Variants in STK32C observed in about 807,000 individuals in gnomAD.
STK32C encodes serine/threonine-protein kinase 32C.
A neutral mutation model predicts 56.5 loss-of-function variants in STK32C; 31 were observed. The observed-to-expected ratio is 0.55, with a 90% CI of 0.41 to 0.74. The LOEUF (loss-of-function observed/expected upper bound fraction) is 0.74, where lower values mean the gene tolerates loss of function less well. STK32C is among the 30% of genes least tolerant of loss of function. The pLI is 0.00. For synonymous variants in STK32C, 309 were observed against 289.4 expected, an observed-to-expected ratio of 1.07 and a Z score of -0.69; for missense variants, 544 against 676.9, an observed-to-expected ratio of 0.80 and a Z score of 2.18.
intron 1 of STK32C, among the ~76,000 whole-genome samples, chr10:132,260,490 G>A (rs750005687): frequency 8.5e-5 from 13 of 152,212 alleles, no homozygotes; most frequent in South Asian, 2.1e-4. Flanking sequence ...CCCTCCCACC[G>A]GACACACAGG....
rs149875821 is a variant in STK32C, at chr10:132,239,201, G to A, written c.318+6699C>T. Among the ~76,000 whole-genome samples, 944 of 152,308 alleles carry A rather than the reference G, an allele frequency of 6.2e-3. 13 individuals are homozygous for A. Among genetic ancestry groups the A allele is most frequent in the Non-Finnish European group, 6.2e-3 (422 of 68,020 alleles). On this transcript the variant is annotated intron_variant, in intron 2 of 11. Coordinates refer to ENST00000298630, the MANE Select transcript of STK32C (RefSeq NM_173575.4). ...TAGATGGTGTGAGGGCTCAGGACAA[G>A]AGCACTGTGTGCACTGAGCCTCCCC...
At chr10:132,330,860 C>T (rs1387809011) in intron 1 of STK32C, among the ~76,000 whole-genome samples, 2 of 151,560 alleles carry the variant, frequency 1.3e-5, no homozygotes, top group African/African-American at 2.4e-5. Flanking sequence ...ACGTAAATCC[C>T]CTCAAAGTGG....
At chr10:132,276,450 C>G (rs1400297865) in intron 1 of STK32C, among the ~76,000 whole-genome samples, 1 of 152,162 alleles carries the variant, frequency 6.6e-6, no homozygotes, top group African/African-American at 2.4e-5. Context: ...GACATCACCA[C>G]AGGCACTCAG....
rs186030718 is a variant in STK32C at position 132,256,765 on chromosome 10, G to C, written c.263-10810C>G. Among the ~76,000 whole-genome samples the C allele has an allele frequency of 7.6e-4, 116 of 152,296 alleles. 1 individual carries two copies. The highest frequency in any genetic ancestry group is 1.3e-3 in the Non-Finnish European group (86 of 68,016). On this transcript the variant is annotated intron_variant, in intron 1 of 11. Transcript: ENST00000298630. ...CAGGGGCAGACCTGGAGGACTCCAA[G>C]GCCGCCTGGCCCTGCAGCAGCTGAG...
chr10:132,331,626 G>A (rs1442010887), exon 1 of STK32C: 36 of 1,612,750 alleles, frequency 2.2e-5, no homozygotes, highest in Non-Finnish European at 2.8e-5. Context: ...AGGACAGGCA[G>A]CGAGGACCGC....
intron 10 of STK32C, among the ~76,000 whole-genome samples, chr10:132,221,341 T>C (rs1362422212): frequency 3.1e-4 from 23 of 74,362 alleles, no homozygotes; most frequent in Middle Eastern, 0.013. Context: ...CAACTGATGC[T>C]GACGCACCTG....
At chr10:132,331,713 G>T (rs747049104) in exon 1 of STK32C, 1 of 1,612,622 alleles carries the variant, frequency 6.2e-7, no homozygotes, top group African/African-American at 1.3e-5. Flanking sequence ...CGGGCCCTCC[G>T]GCTCCCCAGA....
chr10:132,258,068 CAT>C (rs1263894963), intron 1 of STK32C, among the ~76,000 whole-genome samples: 7 of 152,246 alleles, frequency 4.6e-5, no homozygotes, highest in African/African-American at 1.7e-4. Context: ...CCATCACACA[CAT>C]GTGCTGATGA....
chr10:132,244,945 G>C (rs561235075), intron 2 of STK32C, among the ~76,000 whole-genome samples: 41 of 152,280 alleles, frequency 2.7e-4, no homozygotes, highest in Non-Finnish European at 2.2e-4. Flanking sequence ...CCAACATGCA[G>C]GGACTCAAAA....
At chr10:132,320,781 G>A (rs973543623), downstream of STK32C, among the ~76,000 whole-genome samples, 7 of 152,126 alleles carry the variant, frequency 4.6e-5, no homozygotes, top group Non-Finnish European at 7.4e-5. Flanking sequence ...TATAACCCCC[G>A]GCTCCTCAGA....
At chr10:132,299,560 C>T (rs1406402179) in intron 1 of STK32C, among the ~76,000 whole-genome samples, 1 of 152,274 alleles carries the variant, frequency 6.6e-6, no homozygotes, top group South Asian at 2.1e-4. Context: ...GCCCGCAGCT[C>T]TCTGAGCCGC....
intron 10 of STK32C, among the ~76,000 whole-genome samples, chr10:132,219,304 A>G (rs1196000828): frequency 6.6e-6 from 1 of 151,970 alleles, no homozygotes; most frequent in African/African-American, 2.4e-5. Flanking sequence ...TTCCTTTCAG[A>G]ACACCTCCTA....
At chr10:132,326,822 G>T (rs1302311503) in intron 1 of STK32C, among the ~76,000 whole-genome samples, 2 of 152,302 alleles carry the variant, frequency 1.3e-5, no homozygotes, top group East Asian at 3.9e-4. Context: ...CTAGTTTCAG[G>T]TTTCTTTGGA....
chr10:132,315,544 A>T (rs1218261368), intron 1 of STK32C, among the ~76,000 whole-genome samples: 2 of 152,254 alleles, frequency 1.3e-5, no homozygotes, highest in African/African-American at 4.8e-5. Context: ...TATGCGCCTA[A>T]TAAGAAGACT....
chr10:132,327,136 C>T (rs904623080), intron 1 of STK32C, among the ~76,000 whole-genome samples: 10 of 152,268 alleles, frequency 6.6e-5, no homozygotes, highest in South Asian at 2.1e-4. Flanking sequence ...GGGAGGGACC[C>T]GGTGGGAGGT....
upstream of STK32C, among the ~76,000 whole-genome samples, chr10:132,311,314 C>A (rs2066216224): frequency 6.6e-6 from 1 of 152,224 alleles, no homozygotes; most frequent in African/African-American, 2.4e-5. The surrounding 1 kb of genome is among the most constrained non-coding windows in gnomAD (Gnocchi z 4.4). Context: ...AGAACTGACC[C>A]CCAAAACAGG....
Position 132,263,559 on chromosome 10 carries a change from C to A in STK32C, c.263-17604G>T, listed in dbSNP as rs540328806. ...AGCATCACGCAATATACCCAGGCAA[C>A]GAACCTGCACCCTCAAATCTAAAAT... On this transcript the variant is annotated intron_variant, in intron 1 of 11. Transcript: ENST00000298630. 1.2e-4 allele frequency among the ~76,000 whole-genome samples: 19 copies of A among 152,168 alleles called. No homozygotes were observed. In the South Asian group the frequency reaches 3.7e-3, roughly 30 times the overall value.
chr10:132,331,922 C>G (rs1217956915), upstream of STK32C: 26 of 694,170 alleles, frequency 3.7e-5, no homozygotes, highest in Non-Finnish European at 5.3e-5. Context: ...CACAACCCCC[C>G]CACCGCAAGC....
Position 132,230,015 on chromosome 10 carries a change from T to C in STK32C, c.319-1887A>G, listed in dbSNP as rs187251653. 1.0e-3 allele frequency among the ~76,000 whole-genome samples: 155 copies of C among 152,236 alleles called. 1 individual carries two copies. The highest frequency in any genetic ancestry group is 1.8e-3 in the Non-Finnish European group (124 of 68,014). On this transcript the variant is annotated intron_variant, in intron 2 of 11. Transcript: ENST00000298630. The stretch of plus-strand genomic sequence containing the variant: ...CTGAAGGGACAGGAAGAGCCTTGTG[T>C]TGGGGGCTGCCCAGAGGCGCGTGTG...
Sources: gnomAD v4.1 joint callset for allele counts (sites outside exome capture counted in the v4.1 genomes callset) on GRCh38, gnomAD v4.1.1 for gene constraint, Gnocchi (gnomAD v3.1) non-coding constraint, MANE v1.5 for transcripts, NCBI Gene and HGNC (gene_info 2026-07-23, HGNC 2026-07-21) for gene names.